CALN1: variants seen among roughly 807,000 people sequenced by gnomAD.
CALN1 encodes calneuron 1, also known as calcium-binding protein 8.
Under a neutral mutation model 30.6 loss-of-function variants are expected in CALN1, and 17 were observed. The ratio of observed to expected loss-of-function variants is 0.56; its 90% CI spans 0.38 to 0.83. CALN1 has a LOEUF of 0.83. Among genes scored for constraint, CALN1 ranks in the 40% least tolerant of loss-of-function variants. The pLI, the probability that CALN1 is intolerant of heterozygous loss-of-function variation, is 0.00. For synonymous variants in CALN1, 156 were observed against 131.4 expected, an observed-to-expected ratio of 1.19 and a Z score of -1.28; for missense variants, 291 against 354.9, an observed-to-expected ratio of 0.82 and a Z score of 1.45.
At chr7:71,855,547 A>G (rs1790896595) in intron 5 of CALN1, among the ~76,000 whole-genome samples, 1 of 152,126 alleles carries the variant, frequency 6.6e-6, no homozygotes, top group Non-Finnish European at 1.5e-5. Context: ...ATTCAAATGC[A>G]GCACCCCAGC....
intron 5 of CALN1, among the ~76,000 whole-genome samples, chr7:71,934,517 C>T (rs773222960): frequency 2.0e-5 from 3 of 152,116 alleles, no homozygotes; most frequent in Admixed American, 6.6e-5. Context: ...AAAGGGGGAA[C>T]AGGTGTGCCA....
At chr7:72,128,702 C>T (rs1011786755) in intron 3 of CALN1, among the ~76,000 whole-genome samples, 9 of 152,174 alleles carry the variant, frequency 5.9e-5, no homozygotes, top group African/African-American at 1.2e-4. Context: ...GAAGCCCCAT[C>T]TCTACTAAAA....
At chr7:72,487,749 GGAAGGAAGGAAGGGT>G in the CALN1 span, among the ~76,000 whole-genome samples, 16 of 110,052 alleles carry the variant, frequency 1.5e-4, no homozygotes, top group East Asian at 5.5e-4. Flanking sequence ...AAGGAAGGAA[GGAAGGAAGGAAGGGT>G]AAAGAAAGAA....
the CALN1 span, among the ~76,000 whole-genome samples, chr7:72,463,072 G>C: frequency 6.6e-6 from 1 of 152,126 alleles, no homozygotes; most frequent in East Asian, 1.9e-4. Flanking sequence ...CCATTTTTCA[G>C]GTGTGGACAC....
At chr7:72,326,886 A>G (rs1199876857) in intron 2 of CALN1, among the ~76,000 whole-genome samples, 1 of 152,180 alleles carries the variant, frequency 6.6e-6, no homozygotes, top group Admixed American at 6.5e-5. Flanking sequence ...CCATCTGTCA[A>G]ATGAGCTAAC....
intron 2 of CALN1, among the ~76,000 whole-genome samples, chr7:72,335,043 T>G (rs928457942): frequency 6.6e-6 from 1 of 152,112 alleles, no homozygotes; most frequent in African/African-American, 2.4e-5. Flanking sequence ...CTGGAATGAA[T>G]CCTAAACTGG....
chr7:71,948,844 C>G (rs1287127900), intron 5 of CALN1, among the ~76,000 whole-genome samples: 2 of 151,372 alleles, frequency 1.3e-5, no homozygotes, highest in Non-Finnish European at 2.9e-5. Flanking sequence ...GAGTTCCACA[C>G]CAGCCTGGGC....
chr7:72,086,756 A>G (rs1176539523), intron 4 of CALN1, among the ~76,000 whole-genome samples: 1 of 152,164 alleles, frequency 6.6e-6, no homozygotes, highest in Non-Finnish European at 1.5e-5. Flanking sequence ...TTTTATGGAT[A>G]TATTTGCAAA....
intron 3 of CALN1, among the ~76,000 whole-genome samples, chr7:72,116,360 T>TA (rs1314168560): frequency 1.3e-5 from 2 of 152,106 alleles, no homozygotes; most frequent in South Asian, 2.1e-4. Flanking sequence ...CCTGTCTTTT[T>TA]AAAAAAAGGC....
intron 5 of CALN1, among the ~76,000 whole-genome samples, chr7:71,830,785 T>G (rs899370953): frequency 1.3e-5 from 2 of 152,170 alleles, no homozygotes; most frequent in African/African-American, 4.8e-5. Context: ...CTGTGAAAAA[T>G]AGAGATGATA....
intron 5 of CALN1, among the ~76,000 whole-genome samples, chr7:71,932,648 C>T (rs1456060924): frequency 3.3e-5 from 5 of 151,496 alleles, no homozygotes; most frequent in African/African-American, 1.2e-4. Context: ...CCCGTCTCTA[C>T]TAAAAATACA....
chr7:72,229,193 G>T (rs896373553), intron 3 of CALN1, among the ~76,000 whole-genome samples: 1 of 152,006 alleles, frequency 6.6e-6, no homozygotes, highest in Non-Finnish European at 1.5e-5. Flanking sequence ...CCATGTCCTG[G>T]TCCCCAGAAC....
the CALN1 span, among the ~76,000 whole-genome samples, chr7:72,475,930 C>CCTCT: frequency 7.1e-6 from 1 of 140,268 alleles, no homozygotes; most frequent in African/African-American, 3.0e-5. Flanking sequence ...TCTCTCTCTC[C>CCTCT]CTCTCTCTCT....
rs374157447 is a variant in CALN1, at chr7:71,887,917, G to A, written c.502-77425C>T. The stretch of plus-strand genomic sequence containing the variant: ...TGCAATAAATGATGGCGGCTTGGGT[G>A]TTGCGGGCTTGGAGGGCATGATTCG... On this transcript the variant is annotated intron_variant, in intron 5 of 6. Transcript: ENST00000395275. Among the ~76,000 whole-genome samples, 3 of 152,180 alleles carry A rather than the reference G, an allele frequency of 2.0e-5. No homozygotes were observed. The East Asian group carries it at 5.8e-4, about 29-fold the overall frequency.
chr7:72,353,771 G>A (rs147868355), intron 2 of CALN1, among the ~76,000 whole-genome samples: 1 of 152,270 alleles, frequency 6.6e-6, no homozygotes, highest in African/African-American at 2.4e-5. Context: ...TGTTTTTATT[G>A]AAAAGCAACA....
intron 5 of CALN1, among the ~76,000 whole-genome samples, chr7:71,971,953 A>AAAAAAAAAAAAAGAAAG (rs1797839188): frequency 1.4e-5 from 1 of 72,838 alleles, no homozygotes; most frequent in African/African-American, 7.0e-5. Flanking sequence ...AAAAAAAAAA[A>AAAAAAAAAAAAAGAAAG]AAAGAAAGAA....
intron 1 of CALN1, among the ~76,000 whole-genome samples, chr7:72,435,920 C>A (rs1337779671): frequency 8.5e-5 from 13 of 152,116 alleles, no homozygotes; most frequent in African/African-American, 3.1e-4. Flanking sequence ...TCAAGAGGAA[C>A]CTTGAGTCTC....
At chr7:72,410,770 C>T (rs1337175527) in intron 1 of CALN1, among the ~76,000 whole-genome samples, 1 of 152,058 alleles carries the variant, frequency 6.6e-6, no homozygotes, top group Non-Finnish European at 1.5e-5. Context: ...CATAAATACA[C>T]ACACCTCCGT....
chr7:72,432,718 G>A (rs1016226298), intron 1 of CALN1, among the ~76,000 whole-genome samples: 1 of 152,112 alleles, frequency 6.6e-6, no homozygotes, highest in African/African-American at 2.4e-5. Flanking sequence ...GGAACAAGGT[G>A]GAGAGTATAT....
Sources: gnomAD v4.1 joint callset for allele counts (sites outside exome capture counted in the v4.1 genomes callset) on GRCh38, gnomAD v4.1.1 for gene constraint, MANE v1.5 for transcripts, NCBI Gene and HGNC (gene_info 2026-07-23, HGNC 2026-07-21) for gene names.